Variants in NKAIN3 observed in about 807,000 individuals in gnomAD.
NKAIN3 encodes the protein sodium/potassium transporting ATPase interacting 3, also known as sodium/potassium-transporting ATPase subunit beta-1-interacting protein 3.
A neutral mutation model predicts 30.2 loss-of-function variants in NKAIN3; 25 were observed. That is an observed-to-expected ratio of 0.83 (90% CI 0.60 to 1.16). The LOEUF is 1.16. Ranked by LOEUF, NKAIN3 falls within the 50% of genes most tolerant of loss-of-function variation. NKAIN3 has a pLI of 0.00. For synonymous variants in NKAIN3, 91 were observed against 89.6 expected (o/e 1.02, Z -0.09); for missense variants, 225 against 254.1 (o/e 0.89, Z 0.78).
intron 1 of NKAIN3, among the ~76,000 whole-genome samples, chr8:62,292,541 T>G (rs1435962640): frequency 6.6e-6 from 1 of 152,222 alleles, no homozygotes; most frequent in African/African-American, 2.4e-5. Context: ...AATTCTTTTC[T>G]TTAAGAATGT....
At chr8:62,921,463 A>G (rs942212496) in intron 5 of NKAIN3, among the ~76,000 whole-genome samples, 2 of 152,218 alleles carry the variant, frequency 1.3e-5, no homozygotes, top group Non-Finnish European at 2.9e-5. Context: ...CATTTCAGAC[A>G]GATATTTCCG....
At chr8:62,300,066 C>G (rs1268914242) in intron 1 of NKAIN3, among the ~76,000 whole-genome samples, 2 of 151,906 alleles carry the variant, frequency 1.3e-5, no homozygotes, top group Non-Finnish European at 2.9e-5. Context: ...TTTTCACGTC[C>G]TATAGTAGCT....
intron 3 of NKAIN3, among the ~76,000 whole-genome samples, chr8:62,620,128 A>T (rs1811577997): frequency 6.6e-6 from 1 of 152,146 alleles, no homozygotes; most frequent in Non-Finnish European, 1.5e-5. Flanking sequence ...GAAAAGTCAT[A>T]AAAGAATATG....
At chr8:62,995,078 G>A (rs981538840) in intron 5 of NKAIN3, among the ~76,000 whole-genome samples, 1 of 152,124 alleles carries the variant, frequency 6.6e-6, no homozygotes, top group Non-Finnish European at 1.5e-5. Flanking sequence ...AACTACTTAA[G>A]CTTTCCAATT....
chr8:62,900,066 T>C (rs1821559198), intron 4 of NKAIN3, among the ~76,000 whole-genome samples: 1 of 151,576 alleles, frequency 6.6e-6, no homozygotes, highest in Non-Finnish European at 1.5e-5. Flanking sequence ...GTACCATTCA[T>C]GAAAAAAAGT....
At chr8:62,876,366 G>A (rs1563607562) in intron 4 of NKAIN3, among the ~76,000 whole-genome samples, 1 of 152,182 alleles carries the variant, frequency 6.6e-6, no homozygotes, top group Non-Finnish European at 1.5e-5. Context: ...CTCTTGGTGT[G>A]AATGTAAATT....
chr8:62,402,807 G>A (rs1005682525), intron 1 of NKAIN3, among the ~76,000 whole-genome samples: 1 of 152,184 alleles, frequency 6.6e-6, no homozygotes, highest in Non-Finnish European at 1.5e-5. Flanking sequence ...ACCGCAAAAA[G>A]TGGGGTGCTG....
intron 3 of NKAIN3, among the ~76,000 whole-genome samples, chr8:62,630,298 T>G (rs1454523466): frequency 6.6e-6 from 1 of 152,090 alleles, no homozygotes; most frequent in Non-Finnish European, 1.5e-5. Context: ...GAGCCTGAAC[T>G]ATAAAAACAT....
intron 1 of NKAIN3, among the ~76,000 whole-genome samples, chr8:62,331,693 G>C (rs576895127): frequency 6.6e-5 from 10 of 152,186 alleles, no homozygotes; most frequent in Admixed American, 6.5e-4. Flanking sequence ...AGATACACTG[G>C]AAAGTGAACT....
chr8:62,264,650 A>G (rs147498094), intron 1 of NKAIN3, among the ~76,000 whole-genome samples: 95 of 152,268 alleles, frequency 6.2e-4, no homozygotes, highest in Middle Eastern at 3.4e-3. Flanking sequence ...AGTTAGCTAC[A>G]GCTACTGCTT....
intron 1 of NKAIN3, among the ~76,000 whole-genome samples, chr8:62,298,020 G>GT (rs1457115894): frequency 2.0e-5 from 3 of 152,034 alleles, no homozygotes; most frequent in Non-Finnish European, 4.4e-5. Context: ...CATGTCCTTT[G>GT]TAGGGACATG....
At position 62,620,321 on chromosome 8, in the gene NKAIN3, C is replaced by G. The variant is rs116088752; in HGVS notation, c.273+30527C>G. Among the ~76,000 whole-genome samples the G allele has an allele frequency of 4.0e-3, 613 of 152,180 alleles. 4 individuals carry two copies. The highest frequency in any genetic ancestry group is 0.014 in the African/African-American group (577 of 41,532). ...TTCACAGGAGGGTCAGAAAGCCCTT[C>G]CTAGGTTTTATGACCTACTTAAAGT... is the stretch of plus-strand genomic sequence containing the variant. On this transcript the variant is annotated intron_variant, in intron 3 of 6. Coordinates refer to ENST00000623646, the MANE Select transcript of NKAIN3 (RefSeq NM_001304533.3).
rs73684990 is a variant in NKAIN3 at position 62,414,022 on chromosome 8, A to T, written c.54+164895A>T. ...ATTGAATAAATCAGCAATGACCAAA[A>T]TCTGAAGTAAATGTTGATAAAGCTT... On this transcript the variant is annotated intron_variant, in intron 1 of 6. Coordinates refer to ENST00000623646, the MANE Select transcript of NKAIN3 (RefSeq NM_001304533.3). Among the ~76,000 whole-genome samples the T allele has an allele frequency of 5.3e-3, 812 of 152,248 alleles. 6 individuals carry two copies. Among genetic ancestry groups the T allele is most frequent in the African/African-American group, 0.018 (765 of 41,554 alleles).
intron 1 of NKAIN3, among the ~76,000 whole-genome samples, chr8:62,459,081 A>G (rs1805908732): frequency 6.7e-6 from 1 of 149,994 alleles, no homozygotes; most frequent in Non-Finnish European, 1.5e-5. Flanking sequence ...AAAGCCTAGC[A>G]AGTTTGGGCT....
intron 1 of NKAIN3, among the ~76,000 whole-genome samples, chr8:62,425,078 A>G (rs922917519): frequency 6.6e-6 from 1 of 151,806 alleles, no homozygotes; most frequent in African/African-American, 2.4e-5. Flanking sequence ...ATGAGGTTAT[A>G]TCAAAGTCAT....
rs1175275840 is a variant in NKAIN3, at chr8:62,968,631, T to C, written c.*3224T>C. Among the ~76,000 whole-genome samples the C allele has an allele frequency of 1.3e-5, 2 of 152,200 alleles. No homozygotes were observed. The highest frequency in any genetic ancestry group is 6.5e-5 in the Admixed American group (1 of 15,278). On this transcript the variant is annotated 3_prime_UTR_variant, in exon 7 of 7. Transcript: ENST00000623646. Reference sequence around the variant, plus strand: ...GATAGGACATCCACTGCTCTTTAGCTTCTAGTGCTGACTGGAATGGTGAAC... The same window carrying C: ...GATAGGACATCCACTGCTCTTTAGCCTCTAGTGCTGACTGGAATGGTGAAC...
At chr8:62,297,746 AT>A (rs1238505592) in intron 1 of NKAIN3, among the ~76,000 whole-genome samples, 2 of 152,210 alleles carry the variant, frequency 1.3e-5, no homozygotes, top group Admixed American at 6.5e-5. Flanking sequence ...TAGTTCAACC[AT>A]TGTGGAAGTC....
At chr8:62,562,829 T>A (rs114721073) in intron 1 of NKAIN3, among the ~76,000 whole-genome samples, 3,430 of 152,262 alleles carry the variant, frequency 0.023, 92 homozygotes, top group African/African-American at 0.072. Context: ...TGAAAATGTG[T>A]ACTTTAAAGA....
intron 3 of NKAIN3, among the ~76,000 whole-genome samples, chr8:62,733,125 C>A (rs1815533743): frequency 6.6e-6 from 1 of 152,068 alleles, no homozygotes; most frequent in African/African-American, 2.4e-5. Context: ...ACTTTTACCA[C>A]CCACATTTAC....
Sources: gnomAD v4.1 joint callset for allele counts (sites outside exome capture counted in the v4.1 genomes callset) on GRCh38, gnomAD v4.1.1 for gene constraint, MANE v1.5 for transcripts, NCBI Gene and HGNC (gene_info 2026-07-23, HGNC 2026-07-21) for gene names.